FBXL17: variants seen among roughly 807,000 people sequenced by gnomAD.
FBXL17 encodes F-box and leucine rich repeat protein 17.
In FBXL17, 22 loss-of-function variants were observed where a neutral mutation model predicts 66.2. The ratio of observed to expected loss-of-function variants is 0.33; its 90% CI spans 0.24 to 0.47. FBXL17 has a LOEUF of 0.47. FBXL17 is among the 20% of genes least tolerant of loss of function. The pLI, the probability that FBXL17 is intolerant of heterozygous loss-of-function variation, is 1.00. For missense variants in FBXL17, 878 were observed against 948.2 expected, an observed-to-expected ratio of 0.93 and a Z score of 0.97; for synonymous variants, 474 against 400.5, an observed-to-expected ratio of 1.18 and a Z score of -2.19.
intron 6 of FBXL17, among the ~76,000 whole-genome samples, chr5:108,042,803 T>C (rs2112806736): frequency 6.6e-6 from 1 of 152,338 alleles, no homozygotes; most frequent in South Asian, 2.1e-4. Context: ...GCATGTTTAG[T>C]TTTTAAAGAA....
chr5:108,022,118 T>C (rs1320227198), intron 6 of FBXL17, among the ~76,000 whole-genome samples: 2 of 151,938 alleles, frequency 1.3e-5, no homozygotes, highest in Non-Finnish European at 2.9e-5. Flanking sequence ...TTAAAAATTT[T>C]TTATGGAATT....
At chr5:108,365,395 A>G (rs1054176394) in intron 2 of FBXL17, among the ~76,000 whole-genome samples, 1 of 152,070 alleles carries the variant, frequency 6.6e-6, no homozygotes, top group Non-Finnish European at 1.5e-5. Context: ...AACTTTCAAC[A>G]CTACTTACAG....
At chr5:108,181,207 A>G (rs1485088981) in intron 6 of FBXL17, among the ~76,000 whole-genome samples, 1 of 152,220 alleles carries the variant, frequency 6.6e-6, no homozygotes, top group Non-Finnish European at 1.5e-5. Flanking sequence ...GTGAAATAAT[A>G]AAGACTGATA....
chr5:108,044,607 A>AT (rs1177534052), intron 6 of FBXL17, among the ~76,000 whole-genome samples: 1 of 152,046 alleles, frequency 6.6e-6, no homozygotes, highest in Non-Finnish European at 1.5e-5. Context: ...TTTGAAGTGT[A>AT]TTTTTTTCTG....
intron 7 of FBXL17, among the ~76,000 whole-genome samples, chr5:107,889,162 T>C (rs1361998446): frequency 6.6e-6 from 1 of 152,218 alleles, no homozygotes; most frequent in Non-Finnish European, 1.5e-5. Context: ...ACCCTTGTAA[T>C]ACTTAGTAGA....
rs755390895 is a variant in FBXL17 at position 108,034,260 on chromosome 5, A to G, written c.1746-13259T>C. Among the ~76,000 whole-genome samples, 86 of 152,322 alleles carry G rather than the reference A, an allele frequency of 5.6e-4. 1 individual carries two copies. The highest frequency in any genetic ancestry group is 3.1e-4 in the Non-Finnish European group (21 of 68,030). On this transcript the variant is annotated intron_variant, in intron 6 of 8. Transcript: ENST00000542267. ...TAATGAGTTGAACTGGAAGTTGGGA[A>G]CCAATTTTAAAATCAGCCCCAAACT...
intron 7 of FBXL17, among the ~76,000 whole-genome samples, chr5:107,926,332 G>A (rs1750523184): frequency 6.6e-6 from 1 of 152,100 alleles, no homozygotes. Flanking sequence ...AGGGAGGAGT[G>A]CATTGACAGA....
intron 6 of FBXL17, among the ~76,000 whole-genome samples, chr5:108,117,054 GT>G (rs1159332818): frequency 6.6e-6 from 1 of 152,172 alleles, no homozygotes; most frequent in Non-Finnish European, 1.5e-5. Context: ...AAGGCTTGTA[GT>G]TTTTATTTAA....
intron 4 of FBXL17, among the ~76,000 whole-genome samples, chr5:108,275,712 A>T (rs1289050221): frequency 6.6e-6 from 1 of 152,204 alleles, no homozygotes; most frequent in Non-Finnish European, 1.5e-5. Context: ...ACAAAGAGAG[A>T]CTTAAGTCTC....
chr5:108,181,267 G>T (rs78206894), intron 6 of FBXL17, among the ~76,000 whole-genome samples: 1 of 152,088 alleles, frequency 6.6e-6, no homozygotes, highest in Non-Finnish European at 1.5e-5. Flanking sequence ...TGGATGAGAC[G>T]TAATAACCAG....
At chr5:107,959,223 A>G (rs1374352919) in intron 7 of FBXL17, among the ~76,000 whole-genome samples, 1 of 152,134 alleles carries the variant, frequency 6.6e-6, no homozygotes, top group Non-Finnish European at 1.5e-5. Context: ...TCAGTCACAG[A>G]GCCCTGGGTC....
chr5:108,149,643 T>C (rs1751692495), intron 6 of FBXL17, among the ~76,000 whole-genome samples: 1 of 152,188 alleles, frequency 6.6e-6, no homozygotes, highest in African/African-American at 2.4e-5. Flanking sequence ...CTTAACCACC[T>C]TACATTACAT....
chr5:108,194,130 C>T (rs114095863), intron 5 of FBXL17, among the ~76,000 whole-genome samples: 2,085 of 152,264 alleles, frequency 0.014, 56 homozygotes, highest in African/African-American at 0.048. Context: ...TATCAAGGCC[C>T]TCCATTGTCC....
intron 6 of FBXL17, among the ~76,000 whole-genome samples, chr5:108,174,103 A>AG (rs1430269562): frequency 6.6e-6 from 1 of 152,188 alleles, no homozygotes; most frequent in African/African-American, 2.4e-5. Flanking sequence ...CACCACATTC[A>AG]GCAAGCTATC....
chr5:107,942,588 A>T (rs1410942051), intron 7 of FBXL17, among the ~76,000 whole-genome samples: 1 of 152,006 alleles, frequency 6.6e-6, no homozygotes, highest in Non-Finnish European at 1.5e-5. Context: ...AGCTTTTTCC[A>T]CTTAACTCAA....
chr5:108,252,148 T>C (rs1054765083), intron 4 of FBXL17, among the ~76,000 whole-genome samples: 3 of 152,092 alleles, frequency 2.0e-5, no homozygotes, highest in African/African-American at 7.2e-5. Context: ...TTTTCCAATA[T>C]TGGTGAGAAT....
chr5:108,372,312 A>G (rs1749094972), intron 1 of FBXL17, among the ~76,000 whole-genome samples: 1 of 152,196 alleles, frequency 6.6e-6, no homozygotes, highest in South Asian at 2.1e-4. Context: ...ACATACTAAT[A>G]TACATATAAT....
chr5:108,298,501 T>C (rs1580769251), intron 4 of FBXL17: 1 of 977,690 alleles, frequency 1.0e-6, no homozygotes, highest in Non-Finnish European at 1.2e-6. Context: ...TTTTTCTTTA[T>C]AAAAATTAAA....
Position 108,171,322 on chromosome 5 carries a change from G to A in FBXL17, c.1745+14795C>T, listed in dbSNP as rs142263169. On this transcript the variant is annotated intron_variant, in intron 6 of 8. Transcript: ENST00000542267. Reference sequence around the variant, plus strand: ...TTTTTAAATTCAGAATAAGGTGTTGGAGGCAGTTTAACAGCTAGGATATTG... The same window carrying A: ...TTTTTAAATTCAGAATAAGGTGTTGAAGGCAGTTTAACAGCTAGGATATTG... 4.5e-4 allele frequency among the ~76,000 whole-genome samples: 68 copies of A among 152,220 alleles called. 1 individual carries two copies. In the Middle Eastern group the frequency reaches 0.014, roughly 30 times the overall value.
Sources: gnomAD v4.1 joint callset for allele counts (sites outside exome capture counted in the v4.1 genomes callset) on GRCh38, gnomAD v4.1.1 for gene constraint, MANE v1.5 for transcripts, NCBI Gene and HGNC (gene_info 2026-07-23, HGNC 2026-07-21) for gene names.